The following TEAD3 variants were observed in gnomAD, a reference collection of about 807,000 sequenced individuals.
TEAD3 encodes TEA domain transcription factor 3.
A neutral mutation model predicts 55.6 loss-of-function variants in TEAD3; 15 were observed. The ratio of observed to expected loss-of-function variants is 0.27; its 90% CI spans 0.18 to 0.42. The LOEUF is 0.42. TEAD3 is among the 10% of genes least tolerant of loss of function. The pLI is 1.00. For missense variants in TEAD3, 407 were observed against 576.8 expected (o/e 0.71, Z 3.01); for synonymous variants, 210 against 232.2 (o/e 0.90, Z 0.87).
rs1768379332 is a variant in TEAD3 at position 35,486,336 on chromosome 6, A to T, written c.202+125T>A. On this transcript the variant is annotated intron_variant, in intron 2 of 12. Coordinates refer to ENST00000639578, the Ensembl canonical transcript of TEAD3. The surrounding 1 kb of genome is among the most constrained non-coding windows in gnomAD (Gnocchi z 7.3). ...AGCGCGGAGGAGGATCCAGACACAC[A>T]GGCTTGCGCGCCCAGACTCGCCCGG... 1 of 1,151,514 alleles carries T rather than the reference A, an allele frequency of 8.7e-7. No individual in the cohort carries two copies. Among genetic ancestry groups the T allele is most frequent in the Non-Finnish European group, 1.2e-6 (1 of 826,056 alleles). 71.3% of individuals were successfully genotyped at this position (1,151,514 alleles called of 1,614,324 possible). A position where few individuals can be genotyped will look rare whatever the true frequency, so the allele number is the denominator to read the frequency against.
chr6:35,483,807 G>A lies in TEAD3; in HGVS notation c.267+753C>T, dbSNP rs1203717973. Among the ~76,000 whole-genome samples, 1 of 151,962 alleles carries A rather than the reference G, an allele frequency of 6.6e-6. No homozygotes were observed. The highest frequency in any genetic ancestry group is 2.4e-5 in the African/African-American group (1 of 41,360). On this transcript the variant is annotated intron_variant, in intron 3 of 12. Transcript: ENST00000639578. This position sits in a 1 kb window ranked among gnomAD's most constrained non-coding sequence, Gnocchi z 4.5. ...CTCCACCACATCAGGCTGCCCACAG[G>A]CACAGCTCTTTCCTGCCTGGGGGGC...
chr6:35,484,737 C>T lies in TEAD3; in HGVS notation c.203-113G>A. On this transcript the variant is annotated intron_variant, in intron 2 of 12. Coordinates refer to ENST00000639578, the Ensembl canonical transcript of TEAD3. The surrounding 1 kb of genome is among the most constrained non-coding windows in gnomAD (Gnocchi z 5.8). ...GGACCCTCCCCAAAACACTGCTCTT[C>T]TGTTCCTCACTCTCTTCACCCCAAG... The T allele has an allele frequency of 1.1e-6, 1 of 896,498 alleles. No individual in the cohort carries two copies. The allele number at this position is 896,498 out of a possible 1,614,324, so 55.5% of individuals were successfully genotyped here. A position where few individuals can be genotyped will look rare whatever the true frequency, so the allele number is the denominator to read the frequency against.
intron 3 of TEAD3, chr6:35,480,359 G>A: frequency 6.2e-7 from 1 of 1,613,970 alleles, no homozygotes; most frequent in Non-Finnish European, 8.5e-7. Flanking sequence ...GCTAGAACCT[G>A]TATGTGGCTG....
At chr6:35,480,686 G>A (rs1350965256) in intron 3 of TEAD3, among the ~76,000 whole-genome samples, 1 of 152,110 alleles carries the variant, frequency 6.6e-6, no homozygotes, top group East Asian at 1.9e-4. Context: ...ATGATCAAGA[G>A]CCACAGTGGC....
intron 7 of TEAD3, 127 bp downstream of exon 7, chr6:35,478,148 C>A: frequency 8.4e-7 from 1 of 1,196,082 alleles, no homozygotes; most frequent in African/African-American, 1.5e-5. Flanking sequence ...TGAGCCACCA[C>A]CCAGCCTGCA....
In TEAD3 at chr6:35,486,451, C is replaced by CCG; in HGVS notation, c.202+9_202+10insCG. ...GGGCCGCAGTCCCGCCCGCGCCCCC[C>CCG]GGCACGCACCGTACATCTTGCCCTC... On this transcript the variant is annotated intron_variant, in intron 2 of 12. Coordinates refer to ENST00000639578, the Ensembl canonical transcript of TEAD3. This position sits in a 1 kb window ranked among gnomAD's most constrained non-coding sequence, Gnocchi z 7.3. 1 of 1,607,910 alleles carries CCG rather than the reference C, an allele frequency of 6.2e-7. No individual in the cohort carries two copies.
At chr6:35,495,484 G>A (rs1005465847) in intron 1 of TEAD3, among the ~76,000 whole-genome samples, 3 of 152,194 alleles carry the variant, frequency 2.0e-5, no homozygotes, top group African/African-American at 7.2e-5. Context: ...TCTCCCTGAG[G>A]AGGGGGCATC....
At chr6:35,492,721 A>G (rs1488228190) in intron 1 of TEAD3, among the ~76,000 whole-genome samples, 1 of 151,636 alleles carries the variant, frequency 6.6e-6, no homozygotes, top group East Asian at 1.9e-4. Context: ...GGGTTGGGAT[A>G]GTCCCCCCAG....
Position 35,486,457 on chromosome 6 carries a change from G to A in TEAD3, c.202+4C>T. On this transcript the variant is annotated splice_donor_region_variant and intron_variant, in intron 2 of 12. Transcript: ENST00000639578. The surrounding 1 kb of genome is among the most constrained non-coding windows in gnomAD (Gnocchi z 7.3). ...CAGTCCCGCCCGCGCCCCCCGGCAC[G>A]CACCGTACATCTTGCCCTCGTCTGA... The A allele has an allele frequency of 1.2e-6, 2 of 1,611,056 alleles. No individual in the cohort carries two copies. Among genetic ancestry groups the A allele is most frequent in the Non-Finnish European group, 1.7e-6 (2 of 1,178,314 alleles).
chr6:35,489,617 A>T (rs1412853801), intron 1 of TEAD3, among the ~76,000 whole-genome samples: 2 of 152,192 alleles, frequency 1.3e-5, no homozygotes, highest in African/African-American at 4.8e-5. Flanking sequence ...GACCTGTCAG[A>T]GGGGCCAGAT....
chr6:35,484,695 A>G lies in TEAD3; in HGVS notation c.203-71T>C. The G allele has an allele frequency of 7.2e-7, 1 of 1,392,784 alleles. No homozygotes were observed. Among genetic ancestry groups the G allele is most frequent in the South Asian group, 1.2e-5 (1 of 80,908 alleles). 86.3% of individuals were successfully genotyped at this position (1,392,784 alleles called of 1,614,324 possible). On this transcript the variant is annotated intron_variant, in intron 2 of 12. Transcript: ENST00000639578. This position sits in a 1 kb window ranked among gnomAD's most constrained non-coding sequence, Gnocchi z 5.8. ...GCCAGAGGCTGGAGGCCCCCACCCC[A>G]CCGGGAAGCCACTCCAGGACCCTCC... is the stretch of plus-strand genomic sequence containing the variant.
intron 7 of TEAD3, 120 bp downstream of exon 7, chr6:35,478,155 T>A (rs1768191323): frequency 2.4e-6 from 3 of 1,257,004 alleles, no homozygotes. Flanking sequence ...CCACCCAGCC[T>A]GCATCCCTCT....
chr6:35,489,145 T>C (rs1047030647), intron 1 of TEAD3, among the ~76,000 whole-genome samples: 1 of 152,256 alleles, frequency 6.6e-6, no homozygotes, highest in South Asian at 2.1e-4. Flanking sequence ...CTAGACTTAA[T>C]ATTACTACTA....
Position 35,476,049 on chromosome 6 carries a change from G to A in TEAD3, c.770C>T (p.Ala257Val), listed in dbSNP as rs201199829. Residue 257 changes from alanine (A) to valine (V), a missense_variant, in exon 10 of 13, where the codon GCC becomes GTC. Coordinates refer to ENST00000639578, the Ensembl canonical transcript of TEAD3. ...TGCCTCCAGGGGTGGGTCTGAGAAGGCGGGGTTCGTCTGGCCGATGTGCAC... is the reference window on the plus strand; with the variant it reads ...TGCCTCCAGGGGTGGGTCTGAGAAGACGGGGTTCGTCTGGCCGATGTGCAC... 617 of 1,545,970 alleles carry A rather than the reference G, an allele frequency of 4.0e-4. 3 individuals are homozygous for A. Among genetic ancestry groups the A allele is most frequent in the Middle Eastern group, 1.4e-3 (8 of 5,698 alleles).
In TEAD3 at chr6:35,491,348, CAG is replaced by C. The variant is rs146544987; in HGVS notation, c.-49-4639_-49-4638del. ...CAAAGACCTAGAAAGAGACACACAG[CAG>C]AGAGGGGTAGACCAGAAACTCAGAT... On this transcript the variant is annotated intron_variant, in intron 1 of 12. Transcript: ENST00000639578. The surrounding 1 kb of genome is among the most constrained non-coding windows in gnomAD (Gnocchi z 4.4). 2.3e-3 allele frequency among the ~76,000 whole-genome samples: 345 copies of C among 151,468 alleles called. 8 individuals carry two copies. The East Asian group carries it at 0.054, about 24-fold the overall frequency.
chr6:35,483,462 C>G lies in TEAD3; in HGVS notation c.267+1098G>C, dbSNP rs182865604. Among the ~76,000 whole-genome samples the G allele has an allele frequency of 2.6e-5, 4 of 152,294 alleles. No individual in the cohort carries two copies. Among genetic ancestry groups the G allele is most frequent in the African/African-American group, 9.6e-5 (4 of 41,564 alleles). ...TCCACTCCCCTTCAGGTTTCTGTCA[C>G]TACACTGCCACCTTCCCTGGATCAG... On this transcript the variant is annotated intron_variant, in intron 3 of 12. Coordinates refer to ENST00000639578, the Ensembl canonical transcript of TEAD3. This position sits in a 1 kb window ranked among gnomAD's most constrained non-coding sequence, Gnocchi z 4.5.
intron 6 of TEAD3, 46 bp from the exon 7 acceptor site, chr6:35,478,370 C>T: frequency 6.2e-7 from 1 of 1,613,676 alleles, no homozygotes; most frequent in Non-Finnish European, 8.5e-7. Context: ...CATCCATGAA[C>T]CCCACTAAAG....
rs1768443880 is a variant in TEAD3, at chr6:35,488,876, C to T, written c.-49-2165G>A. On this transcript the variant is annotated intron_variant, in intron 1 of 12. Coordinates refer to ENST00000639578, the Ensembl canonical transcript of TEAD3. This position sits in a 1 kb window ranked among gnomAD's most constrained non-coding sequence, Gnocchi z 4.2. ...GCAGCCTCCCCCCTCAGCATGGTGGCACGCACCTGTAGCTGGGATTACAGG... is the reference window on the plus strand; with the variant it reads ...GCAGCCTCCCCCCTCAGCATGGTGGTACGCACCTGTAGCTGGGATTACAGG... 6.6e-6 allele frequency among the ~76,000 whole-genome samples: 1 copy of T among 152,004 alleles called. No individual in the cohort carries two copies. The highest frequency in any genetic ancestry group is 2.4e-5 in the African/African-American group (1 of 41,400).
chr6:35,496,706 G>A lies in TEAD3; in HGVS notation c.-50+192C>T, dbSNP rs1385822602. Among the ~76,000 whole-genome samples, 1 of 152,118 alleles carries A rather than the reference G, an allele frequency of 6.6e-6. No individual in the cohort carries two copies. Among genetic ancestry groups the A allele is most frequent in the Admixed American group, 6.5e-5 (1 of 15,280 alleles). On this transcript the variant is annotated intron_variant, in intron 1 of 12. Transcript: ENST00000639578. The surrounding 1 kb of genome is among the most constrained non-coding windows in gnomAD (Gnocchi z 4.8). Reference sequence around the variant, plus strand: ...TCGCGGGGGGGTGGGGAGGGCGGGGGGCGGGGCTTCCCGGAGAGATTTTCC... The same window carrying A: ...TCGCGGGGGGGTGGGGAGGGCGGGGAGCGGGGCTTCCCGGAGAGATTTTCC...
Sources: allele counts gnomAD v4.1 joint callset (sites outside exome capture counted in the v4.1 genomes callset), GRCh38; gene constraint gnomAD v4.1.1; non-coding constraint Gnocchi (gnomAD v3.1); transcripts MANE v1.5; gene names NCBI Gene and HGNC (gene_info 2026-07-23, HGNC 2026-07-21).